KIAA1549: variants seen among roughly 807,000 people sequenced by gnomAD.
KIAA1549 encodes the protein UPF0606 protein KIAA1549.
In KIAA1549, 70 loss-of-function variants were observed where a neutral mutation model predicts 156.4. The ratio of observed to expected loss-of-function variants is 0.45; its 90% CI spans 0.37 to 0.55. The LOEUF (loss-of-function observed/expected upper bound fraction) is 0.55, where lower values mean the gene tolerates loss of function less well. KIAA1549 is among the 20% of genes least tolerant of loss of function. The pLI is 0.00. For missense variants in KIAA1549, 2,428 were observed against 2,540.9 expected (o/e 0.96, Z 0.96); for synonymous variants, 1,103 against 1,066.4 (o/e 1.03, Z -0.67).
chr7:138,906,894 G>C, intron 6 of KIAA1549, 25 bp downstream of exon 6: 2 of 1,424,394 alleles, frequency 1.4e-6, no homozygotes, highest in Non-Finnish European at 1.9e-6. Context: ...CACCTCCCCA[G>C]CATGTCCAAG....
Position 138,918,511 on chromosome 7 carries a change from G to A in KIAA1549, c.1115C>T (p.Ala372Val), listed in dbSNP as rs1812424846. Reference protein sequence around the residue: ...LSTPLAFASSASPTDVSSNPF... With the variant: ...LSTPLAFASSVSPTDVSSNPF... ...GTTAGATGAAACATCAGTTGGTGAAGCAGAGGACGCAAATGCAAGAGGAGT... is the reference window on the plus strand; with the variant it reads ...GTTAGATGAAACATCAGTTGGTGAAACAGAGGACGCAAATGCAAGAGGAGT... Residue 372 changes from alanine (A) to valine (V), a missense_variant, in exon 2 of 20, where the codon GCT (alanine) becomes GTT (valine). By Grantham distance (64) the Ala-to-Val change is moderately conservative. Around this residue, in one of 5 missense-constraint regions of KIAA1549, gnomAD observed 893 missense variants for 847.9 expected, o/e 1.05. Transcript: ENST00000422774. This position sits in a 1 kb window ranked among gnomAD's most constrained non-coding sequence, Gnocchi z 4.2. 6.2e-7 allele frequency: 1 copy of A among 1,613,940 alleles called. No individual in the cohort carries two copies. The highest frequency in any genetic ancestry group is 1.3e-5 in the African/African-American group (1 of 74,942).
At chr7:138,976,227 C>T (rs1814373103) in intron 1 of KIAA1549, among the ~76,000 whole-genome samples, 1 of 152,138 alleles carries the variant, frequency 6.6e-6, no homozygotes, top group Admixed American at 6.5e-5. Context: ...CAGGCACCTG[C>T]CACCACACCC....
intron 1 of KIAA1549, among the ~76,000 whole-genome samples, chr7:138,947,099 T>G (rs1813359245): frequency 1.3e-5 from 2 of 152,170 alleles, no homozygotes; most frequent in Non-Finnish European, 2.9e-5. Context: ...TCCCTTCCAT[T>G]TTAAGTCCAT....
intron 9 of KIAA1549, among the ~76,000 whole-genome samples, chr7:138,897,438 T>C (rs998815892): frequency 6.6e-6 from 1 of 152,216 alleles, no homozygotes; most frequent in African/African-American, 2.4e-5. Context: ...TTAAAAGCTA[T>C]CATTTTTTAA....
Position 138,871,272 on chromosome 7 carries a change from C to T in KIAA1549, c.4436G>A (p.Ser1479Asn). ...VDRISRPPEA[S>N]RRVPSKIQLI... ...CTGGATCTTACTGGGGACCCGCCGGCTAGCCTCCGGGGGGCGGGAGATCCT... is the reference window on the plus strand; with the variant it reads ...CTGGATCTTACTGGGGACCCGCCGGTTAGCCTCCGGGGGGCGGGAGATCCT... Residue 1479 changes from serine (S) to asparagine (N), a missense_variant, in exon 13 of 20, where the codon AGC (serine) becomes AAC (asparagine). Coordinates refer to ENST00000422774, the MANE Select transcript of KIAA1549 (RefSeq NM_001164665.2). 2 of 1,611,654 alleles carry T rather than the reference C, an allele frequency of 1.2e-6. No homozygotes were observed. The highest frequency in any genetic ancestry group is 8.5e-7 in the Non-Finnish European group (1 of 1,178,920).
At position 138,871,005 on chromosome 7, in the gene KIAA1549, T is replaced by C. The variant is rs540378979; in HGVS notation, c.4551+152A>G. Among the ~76,000 whole-genome samples the C allele has an allele frequency of 6.6e-5, 10 of 152,260 alleles. No homozygotes were observed. The South Asian group carries it at 1.9e-3, about 28-fold the overall frequency. On this transcript the variant is annotated intron_variant, in intron 13 of 19. Transcript: ENST00000422774. ...GCTAATTTTGTATTTTTAGTAGAGA[T>C]GGCGTTTCACCATGTTGGCCAGGCT...
chr7:138,908,890 G>T, intron 5 of KIAA1549, 101 bp downstream of exon 5: 1 of 1,433,066 alleles, frequency 7.0e-7, no homozygotes, highest in East Asian at 2.3e-5. Context: ...CTGGGTTTCC[G>T]CCACTGGAGG....
chr7:138,976,646 GTA>G (rs930291019), intron 1 of KIAA1549, among the ~76,000 whole-genome samples: 2 of 152,072 alleles, frequency 1.3e-5, no homozygotes, highest in Admixed American at 6.6e-5. Flanking sequence ...AAAAACCATG[GTA>G]TATACAGACT....
chr7:138,848,467 T>A (rs995776170), intron 17 of KIAA1549, among the ~76,000 whole-genome samples: 1 of 152,234 alleles, frequency 6.6e-6, no homozygotes, highest in East Asian at 1.9e-4. Flanking sequence ...TAACTTACAC[T>A]GCTTGGTTTT....
chr7:138,847,073 T>C (rs1259101240), intron 17 of KIAA1549, among the ~76,000 whole-genome samples: 1 of 152,236 alleles, frequency 6.6e-6, no homozygotes, highest in African/African-American at 2.4e-5. Flanking sequence ...TCACAGTCTC[T>C]GGACCATCCA....
intron 1 of KIAA1549, among the ~76,000 whole-genome samples, chr7:138,948,462 C>T (rs915081027): frequency 1.3e-5 from 2 of 152,132 alleles, no homozygotes; most frequent in African/African-American, 4.8e-5. Flanking sequence ...AGCATGGCCC[C>T]GCCAACACCT....
At chr7:138,942,921 A>C (rs891324554) in intron 1 of KIAA1549, among the ~76,000 whole-genome samples, 4 of 152,096 alleles carry the variant, frequency 2.6e-5, no homozygotes, top group African/African-American at 9.6e-5. Context: ...AAAAAAAAAA[A>C]AGTAAGCTGG....
intron 1 of KIAA1549, among the ~76,000 whole-genome samples, chr7:138,950,624 C>T (rs1020360997): frequency 1.3e-5 from 2 of 152,230 alleles, no homozygotes; most frequent in South Asian, 2.1e-4. Flanking sequence ...CACATAAGTT[C>T]GGTTTGCTGC....
rs1375330045 is a variant in KIAA1549, at chr7:138,912,459, C to T, written c.2880G>A (p.Val960=). ...ACTCCTGCACAGCTCTTCTGGCCAG[C>T]ACTGCAAATGAAAGCAAACCACCAA... ...TVPDAYLITT[V]LARRAVQEYI... The change falls in exon 3 of 20, where the codon GTG becomes GTA. Residue 960 remains valine (V), a splice_region_variant and synonymous_variant. Transcript: ENST00000422774. 6.2e-7 allele frequency: 1 copy of T among 1,613,168 alleles called. No individual in the cohort carries two copies.
intron 10 of KIAA1549, among the ~76,000 whole-genome samples, chr7:138,883,272 C>CAA (rs1292571753): frequency 8.9e-5 from 5 of 56,250 alleles, no homozygotes; most frequent in Admixed American, 6.0e-4. Flanking sequence ...GACTCCATCT[C>CAA]AAAAAAAAAA....
rs756162590 is a variant in KIAA1549 at position 138,881,593 on chromosome 7, TAC to T, written c.4033-11_4033-10del. The stretch of plus-strand genomic sequence containing the variant: ...ACACTAGGGATCTGCAGCTGAAACA[TAC>T]ACACACACAAACAAGATTGTTAACC... On this transcript the variant is annotated splice_polypyrimidine_tract_variant and intron_variant, in intron 10 of 19. Coordinates refer to ENST00000422774, the MANE Select transcript of KIAA1549 (RefSeq NM_001164665.2). 6 of 1,606,936 alleles carry T rather than the reference TAC, an allele frequency of 3.7e-6. No homozygotes were observed. The highest frequency in any genetic ancestry group is 2.2e-5 in the East Asian group (1 of 44,760).
At chr7:138,911,344 A>C (rs1241812675) in intron 3 of KIAA1549, 21 bp from the exon 4 acceptor site, 5 of 1,512,340 alleles carry the variant, frequency 3.3e-6, no homozygotes, top group Non-Finnish European at 4.5e-6. Flanking sequence ...AAGAAATACA[A>C]AGACAATTCA....
intron 7 of KIAA1549, among the ~76,000 whole-genome samples, chr7:138,904,708 A>AT (rs1004422031): frequency 2.6e-4 from 40 of 152,142 alleles, no homozygotes; most frequent in African/African-American, 2.9e-4. Context: ...TTAGAAAAAA[A>AT]AAAATAAAAC....
In KIAA1549 at chr7:138,856,125, G is replaced by A. The variant is rs1036406387; in HGVS notation, c.5248-3856C>T. ...CAGCTCACTGCAAGCTCCGCCTCCCGGGTTCACGCCATTCTCCTGTCTCAG... is the reference window on the plus strand; with the variant it reads ...CAGCTCACTGCAAGCTCCGCCTCCCAGGTTCACGCCATTCTCCTGTCTCAG... On this transcript the variant is annotated intron_variant, in intron 16 of 19. Coordinates refer to ENST00000422774, the MANE Select transcript of KIAA1549 (RefSeq NM_001164665.2). Among the ~76,000 whole-genome samples the A allele has an allele frequency of 1.3e-4, 20 of 150,980 alleles. No individual in the cohort carries two copies. In the Middle Eastern group the frequency reaches 0.014, roughly 104 times the overall value.
Sources: gnomAD v4.1 joint callset for allele counts (sites outside exome capture counted in the v4.1 genomes callset) on GRCh38, gnomAD v4.1.1 for gene constraint, gnomAD v4.1.1 regional missense constraint, Gnocchi (gnomAD v3.1) non-coding constraint, MANE v1.5 for transcripts, NCBI Gene and HGNC (gene_info 2026-07-23, HGNC 2026-07-21) for gene names.